Variants in EYS observed in about 807,000 individuals in gnomAD.
EYS encodes the protein protein eyes shut homolog.
In EYS, 250 loss-of-function variants were observed where a neutral mutation model predicts 282.1. The ratio of observed to expected loss-of-function variants is 0.89; its 90% confidence interval spans 0.80 to 0.98. The LOEUF (loss-of-function observed/expected upper bound fraction) is 0.98. EYS is among the 50% of genes least tolerant of loss of function. The pLI, the probability that EYS is intolerant of heterozygous loss-of-function variation, is 0.00. For missense variants in EYS, 4,016 were observed against 3,709.0 expected (o/e 1.08, Z -2.15); for synonymous variants, 1,355 against 1,282.9 (o/e 1.06, Z -1.20).
chr6:64,663,979 G>A (rs1305508153), intron 22 of EYS, among the ~76,000 whole-genome samples: 2 of 152,218 alleles, frequency 1.3e-5, no homozygotes, highest in African/African-American at 4.8e-5. Flanking sequence ...CCTCTAGCCC[G>A]ATCAGGAGTG....
At chr6:65,154,308 A>C (rs957485320) in intron 12 of EYS, among the ~76,000 whole-genome samples, 2 of 151,756 alleles carry the variant, frequency 1.3e-5, no homozygotes, top group Admixed American at 1.3e-4. Context: ...AAATTTCAAA[A>C]GAAAGGAGCA....
intron 1 of EYS, among the ~76,000 whole-genome samples, chr6:65,699,459 G>C (rs1277184295): frequency 6.6e-6 from 1 of 152,056 alleles, no homozygotes; most frequent in East Asian, 1.9e-4. Context: ...TGCAGACCTT[G>C]CTTTGAACAA....
At chr6:65,486,144 T>C (rs534478682) in intron 5 of EYS, among the ~76,000 whole-genome samples, 1 of 152,358 alleles carries the variant, frequency 6.6e-6, no homozygotes, top group East Asian at 1.9e-4. Flanking sequence ...ACATAGTTCA[T>C]ATTTTGTTTC....
intron 26 of EYS, among the ~76,000 whole-genome samples, chr6:64,484,762 C>T (rs897098342): frequency 1.3e-5 from 2 of 151,426 alleles, no homozygotes; most frequent in Non-Finnish European, 3.0e-5. Context: ...GAGGAAAATT[C>T]AAATCCTTGT....
chr6:64,918,726 T>C (rs1312593316), intron 15 of EYS, among the ~76,000 whole-genome samples: 2 of 152,126 alleles, frequency 1.3e-5, no homozygotes, highest in Admixed American at 1.3e-4. Flanking sequence ...ACATTCACTA[T>C]TGGAAAGATA....
intron 22 of EYS, among the ~76,000 whole-genome samples, chr6:64,635,597 T>G (rs558704081): frequency 4.1e-4 from 63 of 152,316 alleles, no homozygotes; most frequent in African/African-American, 1.5e-3. Flanking sequence ...GGTATTTGTC[T>G]TTGGTTCTGT....
At chr6:64,876,504 T>G (rs993028523) in intron 19 of EYS, among the ~76,000 whole-genome samples, 1 of 152,154 alleles carries the variant, frequency 6.6e-6, no homozygotes, top group East Asian at 1.9e-4. Flanking sequence ...TTTAATGTCC[T>G]AGGCACTCTT....
At chr6:64,772,719 T>C (rs867111444) in intron 22 of EYS, among the ~76,000 whole-genome samples, 4 of 151,990 alleles carry the variant, frequency 2.6e-5, no homozygotes, top group Middle Eastern at 3.4e-3. Flanking sequence ...ATGAGTTCAA[T>C]GGTTTTAATT....
chr6:64,353,042 A>G (rs1159139245), intron 29 of EYS, among the ~76,000 whole-genome samples: 1 of 151,466 alleles, frequency 6.6e-6, no homozygotes, highest in Non-Finnish European at 1.5e-5. Flanking sequence ...TCCCTGCCCT[A>G]AAGTGGTTAC....
intron 33 of EYS, among the ~76,000 whole-genome samples, chr6:64,010,222 G>A (rs549558132): frequency 6.6e-6 from 1 of 152,354 alleles, no homozygotes; most frequent in South Asian, 2.1e-4. Context: ...CAGGATCTGT[G>A]CTCAGTTGCA....
chr6:65,008,942 G>A (rs933826719), intron 13 of EYS, among the ~76,000 whole-genome samples: 2 of 152,124 alleles, frequency 1.3e-5, no homozygotes, highest in African/African-American at 4.8e-5. Context: ...ACTTCTCCCA[G>A]CCACTAAGCT....
intron 22 of EYS, among the ~76,000 whole-genome samples, chr6:64,745,353 A>C (rs1772520709): frequency 6.6e-6 from 1 of 152,220 alleles, no homozygotes; most frequent in Non-Finnish European, 1.5e-5. Flanking sequence ...GTGAATTAAA[A>C]TGTGCAAAAT....
At chr6:63,923,800 C>A (rs1440016672) in intron 35 of EYS, among the ~76,000 whole-genome samples, 1 of 152,122 alleles carries the variant, frequency 6.6e-6, no homozygotes, top group Non-Finnish European at 1.5e-5. Context: ...CATTGTTTAG[C>A]TTCCACTCAT....
intron 33 of EYS, among the ~76,000 whole-genome samples, chr6:64,017,939 C>T (rs1365002983): frequency 6.6e-6 from 1 of 152,158 alleles, no homozygotes; most frequent in Non-Finnish European, 1.5e-5. Context: ...TATATTCTCT[C>T]ATATTGCCCA....
intron 2 of EYS, among the ~76,000 whole-genome samples, chr6:65,594,498 C>CT (rs1562277600): frequency 6.6e-6 from 1 of 151,810 alleles, no homozygotes; most frequent in African/African-American, 2.4e-5. Flanking sequence ...AGACATTTTC[C>CT]TTTTTTTATA....
chr6:63,865,822 A>T (rs1772658486), intron 35 of EYS, among the ~76,000 whole-genome samples: 1 of 152,280 alleles, frequency 6.6e-6, no homozygotes, highest in East Asian at 1.9e-4. Flanking sequence ...AAAAATATTC[A>T]TATTTTAATA....
rs140083418 is a variant in EYS, at chr6:63,739,068, C to G, written c.8072-12388G>C. 5.9e-3 allele frequency among the ~76,000 whole-genome samples: 901 copies of G among 152,208 alleles called. 7 individuals are homozygous for G. The highest frequency in any genetic ancestry group is 0.031 in the Middle Eastern group (9 of 294). On this transcript the variant is annotated intron_variant, in intron 41 of 42. Transcript: ENST00000503581. ...TCCTCTTTCATTTTTCCCTGCCTCCCTCCTTCCTCCCCTCCTTTCTATCGG... is the reference window on the plus strand; with the variant it reads ...TCCTCTTTCATTTTTCCCTGCCTCCGTCCTTCCTCCCCTCCTTTCTATCGG...
intron 31 of EYS, among the ~76,000 whole-genome samples, chr6:64,174,298 A>AT (rs1404953705): frequency 6.6e-6 from 1 of 152,116 alleles, no homozygotes; most frequent in Non-Finnish European, 1.5e-5. Flanking sequence ...ATTTCTAGGC[A>AT]TATGCTAGAA....
At chr6:64,758,672 C>T (rs541240088) in intron 22 of EYS, among the ~76,000 whole-genome samples, 1 of 152,330 alleles carries the variant, frequency 6.6e-6, no homozygotes, top group African/African-American at 2.4e-5. Context: ...GTACACACTA[C>T]ATCTCTTTTG....
Sources: gnomAD v4.1 joint callset for allele counts (sites outside exome capture counted in the v4.1 genomes callset) on GRCh38, gnomAD v4.1.1 for gene constraint, MANE v1.5 for transcripts, NCBI Gene and HGNC (gene_info 2026-07-23, HGNC 2026-07-21) for gene names.